STXBP4: variants seen among roughly 807,000 people sequenced by gnomAD.
STXBP4 encodes the protein syntaxin-binding protein 4.
Under a neutral mutation model 76.1 loss-of-function variants are expected in STXBP4, and 55 were observed. The ratio of observed to expected loss-of-function variants is 0.72; its 90% CI spans 0.58 to 0.91. STXBP4 has a LOEUF of 0.91. Among genes scored for constraint, STXBP4 ranks in the 40% least tolerant of loss-of-function variants. The pLI is 0.00. For missense variants in STXBP4, 618 were observed against 636.9 expected (o/e 0.97, Z 0.32); for synonymous variants, 201 against 220.2 (o/e 0.91, Z 0.77).
rs1164612784 is a variant in STXBP4, at chr17:55,170,309, T to C, written c.*10398T>C. The C allele has an allele frequency of 6.6e-6, 1 of 152,080 alleles. No homozygotes were observed. The highest frequency in any genetic ancestry group is 1.5e-5 in the Non-Finnish European group (1 of 68,008). 9.4% of individuals were successfully genotyped at this position (152,080 alleles called of 1,614,324 possible). On this transcript the variant is annotated 3_prime_UTR_variant, in exon 18 of 18. Coordinates refer to ENST00000376352, the MANE Select transcript of STXBP4 (RefSeq NM_178509.6). The stretch of plus-strand genomic sequence containing the variant: ...ATATGGTATCTAACATGATAGAAAA[T>C]GTTTACTAATGTTTAATGATACCAA...
At chr17:54,968,954 T>G (rs2077335625) in intron 1 of STXBP4, 139 bp downstream of exon 1, 2 of 311,604 alleles carry the variant, frequency 6.4e-6, no homozygotes, top group African/African-American at 2.1e-5. Context: ...GATCTTTATT[T>G]AAACTCCACC....
chr17:55,053,885 C>T (rs899793063), intron 12 of STXBP4, among the ~76,000 whole-genome samples: 2 of 151,886 alleles, frequency 1.3e-5, no homozygotes, highest in Admixed American at 6.6e-5. Flanking sequence ...TTTCTTTTCT[C>T]CTAAAGGCTT....
At chr17:55,056,622 A>G (rs1202929993) in intron 12 of STXBP4, among the ~76,000 whole-genome samples, 1 of 152,180 alleles carries the variant, frequency 6.6e-6, no homozygotes, top group East Asian at 1.9e-4. Flanking sequence ...ATAAAATTCA[A>G]GCCTGTGAGA....
At chr17:55,013,283 C>T (rs573222662) in intron 8 of STXBP4, among the ~76,000 whole-genome samples, 12 of 152,290 alleles carry the variant, frequency 7.9e-5, no homozygotes, top group South Asian at 6.2e-4. Flanking sequence ...AGTCTTGCCC[C>T]GTTGGCAAGC....
At chr17:55,152,960 C>T (rs895818353) in intron 17 of STXBP4, among the ~76,000 whole-genome samples, 2 of 152,036 alleles carry the variant, frequency 1.3e-5, no homozygotes, top group African/African-American at 4.8e-5. Flanking sequence ...CCAGAGCCTC[C>T]CTATATATTG....
chr17:55,012,674 A>G (rs546975295), intron 8 of STXBP4, among the ~76,000 whole-genome samples: 2 of 152,288 alleles, frequency 1.3e-5, no homozygotes, highest in South Asian at 4.1e-4. Context: ...TAGTGCCCCA[A>G]TGAGGGCTAT....
At position 55,107,279 on chromosome 17, in the gene STXBP4, G is replaced by T. The variant is rs560630977; in HGVS notation, c.1489+26096G>T. Among the ~76,000 whole-genome samples, 8 of 152,184 alleles carry T rather than the reference G, an allele frequency of 5.3e-5. No homozygotes were observed. The East Asian group carries it at 1.5e-3, about 29-fold the overall frequency. ...TGAAGTTCTCGTGCTGTGTTTTTCA[G>T]CTCCATCAGGTCATTTATGTTCTTC... is the stretch of plus-strand genomic sequence containing the variant. On this transcript the variant is annotated intron_variant, in intron 16 of 17. Transcript: ENST00000376352.
intron 12 of STXBP4, among the ~76,000 whole-genome samples, chr17:55,067,962 C>G (rs2079074091): frequency 6.6e-6 from 1 of 152,076 alleles, no homozygotes; most frequent in African/African-American, 2.4e-5. Flanking sequence ...TTAAAAAGTT[C>G]TACGAATCAT....
At chr17:55,182,083 C>A in the STXBP4 span, among the ~76,000 whole-genome samples, 1 of 152,076 alleles carries the variant, frequency 6.6e-6, no homozygotes, top group African/African-American at 2.4e-5. Context: ...TTATCTTTTT[C>A]TTTTTTCTTA....
At chr17:55,034,067 T>C in intron 9 of STXBP4, 101 bp from the exon 10 acceptor site, 1 of 746,232 alleles carries the variant, frequency 1.3e-6, no homozygotes, top group Non-Finnish European at 2.2e-6. Flanking sequence ...TAAGATAATT[T>C]ATGTGGGTTA....
At chr17:55,099,092 T>C (rs774809173) in intron 16 of STXBP4, among the ~76,000 whole-genome samples, 5 of 152,236 alleles carry the variant, frequency 3.3e-5, no homozygotes, top group Non-Finnish European at 7.3e-5. Flanking sequence ...CAGAGTGCCA[T>C]ATATTAACAA....
intron 1 of STXBP4, 142 bp downstream of exon 1, chr17:54,968,957 A>G: frequency 3.6e-6 from 1 of 277,950 alleles, no homozygotes; most frequent in Non-Finnish European, 6.9e-6. Context: ...CTTTATTTAA[A>G]CTCCACCAGC....
chr17:55,016,435 C>T (rs189192499), intron 8 of STXBP4, among the ~76,000 whole-genome samples: 1 of 152,254 alleles, frequency 6.6e-6, no homozygotes. Flanking sequence ...ATAAATAGTT[C>T]TTATGCAAAT....
intron 8 of STXBP4, among the ~76,000 whole-genome samples, chr17:55,010,520 T>C (rs1396259619): frequency 6.6e-6 from 1 of 152,148 alleles, no homozygotes; most frequent in Non-Finnish European, 1.5e-5. Flanking sequence ...GTATGAATAG[T>C]ATATGTCTCA....
chr17:55,026,873 A>C (rs2078425870), intron 8 of STXBP4, among the ~76,000 whole-genome samples: 2 of 152,168 alleles, frequency 1.3e-5, no homozygotes. Flanking sequence ...CTGCGGCCTC[A>C]GGCAGAGGAG....
chr17:55,075,790 C>G (rs1227696331), intron 13 of STXBP4, among the ~76,000 whole-genome samples: 1 of 152,046 alleles, frequency 6.6e-6, no homozygotes, highest in Non-Finnish European at 1.5e-5. Context: ...TGTGCTGGGA[C>G]CAACTGACAC....
chr17:55,169,878 T>C lies in STXBP4; in HGVS notation c.*9967T>C, dbSNP rs916200068. On this transcript the variant is annotated 3_prime_UTR_variant, in exon 18 of 18. Transcript: ENST00000376352. ...TAGTATTTACTGTGTGAAGTGAACC[T>C]TTAAGGCTGTGGACAATGCAAACTC... 2.6e-5 allele frequency: 4 copies of C among 152,324 alleles called. No individual in the cohort carries two copies. In the East Asian group the frequency reaches 7.7e-4, roughly 29 times the overall value. The allele number at this position is 152,324 out of a possible 1,614,324, so 9.4% of individuals were successfully genotyped here.
intron 8 of STXBP4, among the ~76,000 whole-genome samples, chr17:55,020,663 C>A (rs750539808): frequency 1.3e-5 from 2 of 151,970 alleles, no homozygotes; most frequent in Non-Finnish European, 2.9e-5. Context: ...ACTAAAAATA[C>A]AAAAATTAGC....
At position 54,992,428 on chromosome 17, in the gene STXBP4, A is replaced by T. The variant is rs201860726; in HGVS notation, c.180+1471A>T. ...AGACCCTGTCTCAAAAAAAAAAAAA[A>T]AGTATTATTTAATAAGTTTAATGGC... On this transcript the variant is annotated intron_variant, in intron 4 of 17. Transcript: ENST00000376352. Among the ~76,000 whole-genome samples, 17 of 151,990 alleles carry T rather than the reference A, an allele frequency of 1.1e-4. No homozygotes were observed. The East Asian group carries it at 3.1e-3, about 28-fold the overall frequency.
Sources: gnomAD v4.1 joint callset for allele counts (sites outside exome capture counted in the v4.1 genomes callset) on GRCh38, gnomAD v4.1.1 for gene constraint, MANE v1.5 for transcripts, NCBI Gene and HGNC (gene_info 2026-07-23, HGNC 2026-07-21) for gene names.